The following MDN1 variants were observed in gnomAD, a reference collection of about 807,000 sequenced individuals.
MDN1 encodes midasin AAA ATPase 1, also known as midasin.
A neutral mutation model predicts 669.2 loss-of-function variants in MDN1; 266 were observed. The ratio of observed to expected loss-of-function variants is 0.40; its 90% confidence interval spans 0.36 to 0.44. The LOEUF is 0.44. MDN1 is among the 20% of genes least tolerant of loss of function. The probability of loss-of-function intolerance (pLI) is 1.00; values close to 1 mark genes in which losing one functional copy is unlikely to be tolerated. For synonymous variants in MDN1, 2,385 were observed against 2,457.1 expected, an observed-to-expected ratio of 0.97 and a Z score of 0.87; for missense variants, 5,940 against 6,754.0, an observed-to-expected ratio of 0.88 and a Z score of 4.22.
chr6:89,811,505 C>T (rs1414141246), intron 1 of MDN1, among the ~76,000 whole-genome samples: 2 of 151,708 alleles, frequency 1.3e-5, no homozygotes, highest in Admixed American at 6.6e-5. Flanking sequence ...GGTACGATGT[C>T]GGCTCACTGT....
Position 89,723,604 on chromosome 6 carries a change from G to C in MDN1, c.5686C>G (p.Leu1896Val), listed in dbSNP as rs767730174. 6.4e-7 allele frequency: 1 copy of C among 1,573,994 alleles called. No individual in the cohort carries two copies. Reference protein sequence around the residue: ...NRFTQVFVDPLTVIDMEFIAS... With the variant: ...NRFTQVFVDPVTVIDMEFIAS... Reference sequence around the variant, plus strand: ...ATGAACTCCATGTCAATTACTGTAAGGGGATCAACGAAGACCTAGAAATCC... The same window carrying C: ...ATGAACTCCATGTCAATTACTGTAACGGGATCAACGAAGACCTAGAAATCC... Residue 1896 changes from leucine (L) to valine (V), a missense_variant, in exon 39 of 102, where the codon CTT (leucine) becomes GTT (valine). Physicochemically the swap from Leu to Val is conservative, Grantham distance 32. This residue lies in a region of MDN1 where 2,292 missense variants were observed against 2,638.3 expected (regional missense o/e 0.87). Coordinates refer to ENST00000369393, the MANE Select transcript of MDN1 (RefSeq NM_014611.3).
chr6:89,799,157 C>T (rs771915027), intron 2 of MDN1, among the ~76,000 whole-genome samples: 1 of 152,176 alleles, frequency 6.6e-6, no homozygotes, highest in Admixed American at 6.6e-5. Flanking sequence ...TGGCCAAATA[C>T]GGTACCTTAC....
At chr6:89,690,633 G>A (rs1355182123) in intron 64 of MDN1, 40 bp downstream of exon 64, 1 of 1,610,168 alleles carries the variant, frequency 6.2e-7, no homozygotes, top group Admixed American at 1.7e-5. Context: ...TGGCATCAAG[G>A]GAATTCATTC....
At chr6:89,791,796 A>G (rs952290386) in intron 5 of MDN1, among the ~76,000 whole-genome samples, 5 of 151,676 alleles carry the variant, frequency 3.3e-5, no homozygotes, top group Non-Finnish European at 5.9e-5. Flanking sequence ...ACATAGTGAG[A>G]CTCTGTCTCT....
rs778101697 is a variant in MDN1, at chr6:89,664,510, T to C, written c.14213A>G (p.His4738Arg). The change falls in exon 85 of 102, where the codon CAT becomes CGT. Residue 4738 changes from histidine to arginine, a missense_variant. His to Arg is a conservative substitution (Grantham distance 29, BLOSUM62 0). Around this residue, in one of 5 missense-constraint regions of MDN1, gnomAD observed 2,280 missense variants for 2,576.3 expected, o/e 0.88. Transcript: ENST00000369393. Reference protein sequence around the residue: ...EMSEDFDGKMHDGELEEQEED... With the variant: ...EMSEDFDGKMRDGELEEQEED... ...ACCTTGTTCTTCAAGCTCCCCATCA[T>C]GCATTTTCCCATCAAAATCTTCCGA... 3.1e-6 allele frequency: 5 copies of C among 1,614,100 alleles called. No individual in the cohort carries two copies. In the East Asian group the frequency reaches 1.1e-4, roughly 36 times the overall value.
At position 89,695,535 on chromosome 6, in the gene MDN1, G is replaced by A. The variant is rs1425643507; in HGVS notation, c.9771+70C>T. 1 of 1,506,254 alleles carries A rather than the reference G, an allele frequency of 6.6e-7. No individual in the cohort carries two copies. The allele number at this position is 1,506,254 out of a possible 1,614,324, so 93.3% of individuals were successfully genotyped here. ...TCTGAGCACCCAAAAGGGAATAAAA[G>A]GAGTAATACAATAAGCAAACCCAGC... On this transcript the variant is annotated intron_variant, in intron 61 of 101. Coordinates refer to ENST00000369393, the MANE Select transcript of MDN1 (RefSeq NM_014611.3). This position sits in a 1 kb window ranked among gnomAD's most constrained non-coding sequence, Gnocchi z 4.1.
intron 52 of MDN1, among the ~76,000 whole-genome samples, chr6:89,706,482 A>G (rs1476186637): frequency 3.3e-5 from 5 of 151,936 alleles, no homozygotes; most frequent in African/African-American, 7.3e-5. Flanking sequence ...CAAATTTTCT[A>G]TTTTACAATG....
intron 63 of MDN1, among the ~76,000 whole-genome samples, chr6:89,691,304 C>A (rs1009887094): frequency 1.3e-5 from 2 of 152,178 alleles, no homozygotes; most frequent in Non-Finnish European, 2.9e-5. Flanking sequence ...CCAGACACTT[C>A]TGAAATTCCC....
At chr6:89,697,642 C>T (rs1296765477) in intron 59 of MDN1, among the ~76,000 whole-genome samples, 4 of 151,270 alleles carry the variant, frequency 2.6e-5, no homozygotes, top group Non-Finnish European at 5.9e-5. Flanking sequence ...AGTGCAATGG[C>T]ACGATCTTGG....
rs1327093487 is a variant in MDN1, at chr6:89,689,853, A to G, written c.11023+17T>C. 1 of 1,607,626 alleles carries G rather than the reference A, an allele frequency of 6.2e-7. No individual in the cohort carries two copies. Among genetic ancestry groups the G allele is most frequent in the East Asian group, 2.2e-5 (1 of 44,702 alleles). On this transcript the variant is annotated intron_variant, in intron 65 of 101. Coordinates refer to ENST00000369393, the MANE Select transcript of MDN1 (RefSeq NM_014611.3). The stretch of plus-strand genomic sequence containing the variant: ...GCTTTCATTTCCCAGGGGCATAACA[A>G]AAGTAAACTACCATACCCATCAGGG...
chr6:89,696,098 T>C, intron 60 of MDN1, 106 bp from the exon 61 acceptor site: 1 of 1,418,776 alleles, frequency 7.0e-7, no homozygotes, highest in East Asian at 2.3e-5. Flanking sequence ...GAATGCAGCA[T>C]CAATATGTAG....
At chr6:89,740,451 A>C in intron 31 of MDN1, 73 bp from the exon 32 acceptor site, 1 of 1,366,458 alleles carries the variant, frequency 7.3e-7, no homozygotes, top group Non-Finnish European at 9.8e-7. Flanking sequence ...AATGCTCTTT[A>C]AAAGAAAAAA....
chr6:89,661,682 A>T (rs908207156), intron 87 of MDN1, 104 bp from the exon 88 acceptor site: 7 of 1,094,188 alleles, frequency 6.4e-6, no homozygotes, highest in Middle Eastern at 2.6e-4. Context: ...CTGTGAGAGA[A>T]CACAATATCT....
chr6:89,707,548 C>T, intron 51 of MDN1, 72 bp from the exon 52 acceptor site: 1 of 982,356 alleles, frequency 1.0e-6, no homozygotes, highest in Non-Finnish European at 1.6e-6. Context: ...CCTCTATTTG[C>T]TGGAACACTT....
At position 89,690,107 on chromosome 6, in the gene MDN1, C is replaced by T. The variant is rs1302422445; in HGVS notation, c.10786G>A (p.Glu3596Lys). The change falls in exon 65 of 102, where the codon GAG (glutamate) becomes AAG (lysine). Residue 3596 changes from glutamate to lysine, a missense_variant. Coordinates refer to ENST00000369393, the MANE Select transcript of MDN1 (RefSeq NM_014611.3). ...TGCCCATCTGAAGTTCCTTTGTTCT[C>T]CTCCAACGTTGGCTGCACCAAAATA... ...ADILVQPTLEENKGTSDGQEE... is the reference protein window; with the variant it reads ...ADILVQPTLEKNKGTSDGQEE... The T allele has an allele frequency of 6.2e-7, 1 of 1,614,178 alleles. No homozygotes were observed. Among genetic ancestry groups the T allele is most frequent in the Non-Finnish European group, 8.5e-7 (1 of 1,180,032 alleles).
In MDN1 at chr6:89,683,234, A is replaced by G. The variant is rs765882499; in HGVS notation, c.12000T>C (p.Phe4000=). Residue 4000 remains phenylalanine (F), a synonymous_variant, in exon 73 of 102, where the codon TTT becomes TTC. Coordinates refer to ENST00000369393, the MANE Select transcript of MDN1 (RefSeq NM_014611.3). The stretch of plus-strand genomic sequence containing the variant: ...CAGCTCCATCTGTTGGCCTGGGCAA[A>G]AAGTCAGGCTGTTCTTCCTTGTCAC... ...VESDKEEQPD[F]LPRPTDGAAS... 4.8e-5 allele frequency: 77 copies of G among 1,614,058 alleles called. No individual in the cohort carries two copies. The highest frequency in any genetic ancestry group is 6.4e-5 in the Non-Finnish European group (75 of 1,180,032).
At chr6:89,651,714 T>C (rs1273784496) in intron 95 of MDN1, among the ~76,000 whole-genome samples, 1 of 152,228 alleles carries the variant, frequency 6.6e-6, no homozygotes, top group Non-Finnish European at 1.5e-5. Flanking sequence ...GGCAGAGCAC[T>C]GAATACATAT....
chr6:89,743,086 G>A (rs1408083743), intron 31 of MDN1, 64 bp downstream of exon 31: 2 of 1,585,684 alleles, frequency 1.3e-6, no homozygotes, highest in Middle Eastern at 1.7e-4. Context: ...ACTGTCTCAG[G>A]GAGAAAAAAA....
At chr6:89,653,208 C>T in intron 93 of MDN1, 53 bp from the exon 94 acceptor site, 1 of 1,537,298 alleles carries the variant, frequency 6.5e-7, no homozygotes, top group Non-Finnish European at 8.8e-7. Context: ...TGATGACTGA[C>T]CAAGCCTTTG....
Sources: allele counts gnomAD v4.1 joint callset (sites outside exome capture counted in the v4.1 genomes callset), GRCh38; gene constraint gnomAD v4.1.1; regional missense constraint gnomAD v4.1.1; non-coding constraint Gnocchi (gnomAD v3.1); transcripts MANE v1.5; gene names NCBI Gene and HGNC (gene_info 2026-07-23, HGNC 2026-07-21).